The following TSC22D1 variants were observed in gnomAD, a reference collection of about 807,000 sequenced individuals.
TSC22D1 encodes the protein TSC22 domain family protein 1.
In TSC22D1, 9 loss-of-function variants were observed where a neutral mutation model predicts 74.2. The ratio of observed to expected loss-of-function variants is 0.12; its 90% CI spans 0.07 to 0.21. The LOEUF (loss-of-function observed/expected upper bound fraction) is 0.21, where lower values mean the gene tolerates loss of function less well. Among genes scored for constraint, TSC22D1 ranks in the 10% least tolerant of loss-of-function variants. The pLI, the probability that TSC22D1 is intolerant of heterozygous loss-of-function variation, is 1.00. For synonymous variants in TSC22D1, 586 were observed against 492.5 expected (o/e 1.19, Z -2.51); for missense variants, 1,427 against 1,304.7 (o/e 1.09, Z -1.44).
chr13:44,503,057 G>T (rs1385434628), intron 1 of TSC22D1, among the ~76,000 whole-genome samples: 1 of 152,154 alleles, frequency 6.6e-6, no homozygotes, highest in Non-Finnish European at 1.5e-5. Flanking sequence ...AAAGAAAAGT[G>T]AATTCAAATA....
At chr13:44,452,173 G>A (rs962435814) in intron 1 of TSC22D1, among the ~76,000 whole-genome samples, 3 of 152,156 alleles carry the variant, frequency 2.0e-5, no homozygotes, top group Non-Finnish European at 1.5e-5. Flanking sequence ...ATGAGGTTAA[G>A]TAACGAGAAG....
chr13:44,527,015 C>A (rs1265390072), intron 1 of TSC22D1, among the ~76,000 whole-genome samples: 1 of 152,038 alleles, frequency 6.6e-6, no homozygotes, highest in Non-Finnish European at 1.5e-5. Flanking sequence ...TCTTCAGGAA[C>A]CATGCAAGCA....
At chr13:44,512,911 G>A (rs1879806220) in intron 1 of TSC22D1, among the ~76,000 whole-genome samples, 1 of 152,178 alleles carries the variant, frequency 6.6e-6, no homozygotes, top group South Asian at 2.1e-4. Context: ...GCCTCCCAAA[G>A]TGCTGGGATT....
intron 1 of TSC22D1, among the ~76,000 whole-genome samples, chr13:44,530,797 A>G (rs1168697067): frequency 1.3e-5 from 2 of 152,232 alleles, no homozygotes; most frequent in African/African-American, 4.8e-5. Context: ...AAACAATGAG[A>G]TACCACTACA....
intron 1 of TSC22D1, among the ~76,000 whole-genome samples, chr13:44,517,437 C>A (rs115018190): frequency 1.3e-5 from 2 of 151,804 alleles, no homozygotes; most frequent in Admixed American, 6.6e-5. Context: ...AAATTTCCCA[C>A]AAGAAATTAT....
At chr13:44,513,964 C>G (rs1455205538) in intron 1 of TSC22D1, among the ~76,000 whole-genome samples, 1 of 152,164 alleles carries the variant, frequency 6.6e-6, no homozygotes, top group African/African-American at 2.4e-5. Context: ...GCTAAAAGTT[C>G]CTTTCAACTT....
At chr13:44,500,421 G>T (rs1311653338) in intron 1 of TSC22D1, among the ~76,000 whole-genome samples, 2 of 152,128 alleles carry the variant, frequency 1.3e-5, no homozygotes, top group African/African-American at 2.4e-5. Context: ...CAATCCTTGT[G>T]TTCATTCTTA....
Position 44,432,760 on chromosome 13 carries a change from A to G in TSC22D1, c.*1866T>C, listed in dbSNP as rs1157849962. The G allele has an allele frequency of 2.0e-5, 3 of 152,230 alleles. No homozygotes were observed. The highest frequency in any genetic ancestry group is 2.9e-5 in the Non-Finnish European group (2 of 68,054). 9.4% of individuals were successfully genotyped at this position (152,230 alleles called of 1,614,324 possible). A position where few individuals can be genotyped will look rare whatever the true frequency, so the allele number is the denominator to read the frequency against. On this transcript the variant is annotated 3_prime_UTR_variant, in exon 3 of 3. Coordinates refer to ENST00000458659, the MANE Select transcript of TSC22D1 (RefSeq NM_183422.4). The stretch of plus-strand genomic sequence containing the variant: ...GGGATTGGTCCAATTCCTACTGGGC[A>G]GGGGGCCACTGCTGAGGCCCTAGGT...
At chr13:44,555,408 A>C (rs890706870) in intron 1 of TSC22D1, among the ~76,000 whole-genome samples, 1 of 152,112 alleles carries the variant, frequency 6.6e-6, no homozygotes, top group African/African-American at 2.4e-5. Context: ...CAGGAATTTG[A>C]GACCAGACTG....
chr13:44,484,913 T>C (rs1323115087), intron 1 of TSC22D1, among the ~76,000 whole-genome samples: 1 of 152,244 alleles, frequency 6.6e-6, no homozygotes, highest in Non-Finnish European at 1.5e-5. Flanking sequence ...TCCCAACACT[T>C]GTATACTATA....
intron 1 of TSC22D1, among the ~76,000 whole-genome samples, chr13:44,489,447 T>C (rs1878601532): frequency 6.6e-6 from 1 of 152,004 alleles, no homozygotes; most frequent in Non-Finnish European, 1.5e-5. Flanking sequence ...AAGAGATATT[T>C]GTTAAACATC....
intron 1 of TSC22D1, among the ~76,000 whole-genome samples, chr13:44,443,812 G>T (rs577626562): frequency 6.6e-6 from 1 of 152,292 alleles, no homozygotes; most frequent in South Asian, 2.1e-4. Context: ...ATACTGCTGA[G>T]TACACTATGA....
In TSC22D1 at chr13:44,576,038, C is replaced by T. The variant is rs1313745820; in HGVS notation, c.37G>A (p.Ala13Thr). The T allele has an allele frequency of 3.8e-6, 6 of 1,571,376 alleles. No homozygotes were observed. The highest frequency in any genetic ancestry group is 3.4e-6 in the Non-Finnish European group (4 of 1,159,970). ...TTCCTAGCGCTAATGTCTGCAGCGG[C>T]GGCGGCCGCGGCGGTGGACTCAGGC... is the stretch of plus-strand genomic sequence containing the variant. ...QPPESTAAAAAAADISARKMA... is the reference protein window; with the variant it reads ...QPPESTAAAATAADISARKMA... Residue 13 changes from alanine (A) to threonine (T), a missense_variant, in exon 1 of 3, where the codon GCC (alanine) becomes ACC (threonine). Physicochemically the swap from Ala to Thr is moderately conservative, Grantham distance 58. Transcript: ENST00000458659.
At chr13:44,548,503 C>T (rs1383443297) in intron 1 of TSC22D1, among the ~76,000 whole-genome samples, 1 of 152,220 alleles carries the variant, frequency 6.6e-6, no homozygotes, top group Non-Finnish European at 1.5e-5. Flanking sequence ...TTTAAACATA[C>T]ATCAATTGAC....
chr13:44,571,505 G>A (rs1328965757), intron 1 of TSC22D1, among the ~76,000 whole-genome samples: 1 of 152,064 alleles, frequency 6.6e-6, no homozygotes, highest in Non-Finnish European at 1.5e-5. Flanking sequence ...ACAAAATCAT[G>A]GCAAGTTTGA....
In TSC22D1 at chr13:44,542,724, A is replaced by G. The variant is rs763506793; in HGVS notation, c.2912+30439T>C. Among the ~76,000 whole-genome samples, 11 of 152,252 alleles carry G rather than the reference A, an allele frequency of 7.2e-5. No homozygotes were observed. The East Asian group carries it at 1.5e-3, about 21-fold the overall frequency. The stretch of plus-strand genomic sequence containing the variant: ...GAGCTGGTAAAGAGAGCTTGCTTTA[A>G]GAGTTAATAATTTATGAAGACTCTG... On this transcript the variant is annotated intron_variant, in intron 1 of 2. Transcript: ENST00000458659.
chr13:44,469,732 C>G (rs1877491492), intron 1 of TSC22D1, among the ~76,000 whole-genome samples: 1 of 152,116 alleles, frequency 6.6e-6, no homozygotes, highest in Admixed American at 6.5e-5. Context: ...GAAGTACAAG[C>G]TAGTGAAATT....
In TSC22D1 at chr13:44,574,581, C is replaced by T; in HGVS notation, c.1494G>A (p.Gln498=). 1 of 1,614,034 alleles carries T rather than the reference C, an allele frequency of 6.2e-7. No individual in the cohort carries two copies. The highest frequency in any genetic ancestry group is 8.5e-7 in the Non-Finnish European group (1 of 1,180,034). ...EMGAPTVVVQ[Q]QQQQQQQQQQ... Reference sequence around the variant, plus strand: ...GTTGTTGTTGTTGTTGCTGCTGCTGCTGCTGCACCACCACAGTAGGGGCTC... The same window carrying T: ...GTTGTTGTTGTTGTTGCTGCTGCTGTTGCTGCACCACCACAGTAGGGGCTC... Residue 498 remains glutamine, a synonymous_variant, in exon 1 of 3, where the codon CAG becomes CAA. Transcript: ENST00000458659.
At chr13:44,453,276 C>T (rs1191899705) in intron 1 of TSC22D1, among the ~76,000 whole-genome samples, 2 of 82,458 alleles carry the variant, frequency 2.4e-5, no homozygotes, top group African/African-American at 4.4e-5. Flanking sequence ...AGCCACTCCT[C>T]GTTTCTGCTT....
Sources: gnomAD v4.1 joint callset for allele counts (sites outside exome capture counted in the v4.1 genomes callset) on GRCh38, gnomAD v4.1.1 for gene constraint, MANE v1.5 for transcripts, NCBI Gene and HGNC (gene_info 2026-07-23, HGNC 2026-07-21) for gene names.